The following MECOM variants were observed in gnomAD, a reference collection of about 807,000 sequenced individuals.
The protein encoded by MECOM is MDS1 and EVI1 complex locus, also known as histone-lysine N-methyltransferase MECOM.
A neutral mutation model predicts 116.3 loss-of-function variants in MECOM; 13 were observed. The ratio of observed to expected loss-of-function variants is 0.11; its 90% CI spans 0.07 to 0.18. The LOEUF is 0.18. Ranked by LOEUF, MECOM falls within the 10% of genes least tolerant of loss-of-function variation. MECOM has a pLI of 1.00. For synonymous variants in MECOM, 528 were observed against 535.2 expected (o/e 0.99, Z 0.19); for missense variants, 1,299 against 1,509.0 (o/e 0.86, Z 2.31).
chr3:169,146,471 A>G, intron 2 of MECOM: 2 of 1,384,166 alleles, frequency 1.4e-6, no homozygotes. Context: ...CGGCAGAGAA[A>G]CCCACCGAAG....
chr3:169,653,167 C>G (rs1323274766), intron 1 of MECOM, among the ~76,000 whole-genome samples: 6 of 152,050 alleles, frequency 3.9e-5, no homozygotes, highest in Admixed American at 3.9e-4. Flanking sequence ...TGTCAGATAT[C>G]CCAGAATTCT....
intron 1 of MECOM, among the ~76,000 whole-genome samples, chr3:169,441,349 G>A (rs960173454): frequency 6.6e-6 from 1 of 152,122 alleles, no homozygotes; most frequent in Non-Finnish European, 1.5e-5. Flanking sequence ...ACAATACTTT[G>A]AGTGTATATA....
intron 5 of MECOM, 27 bp downstream of exon 5, chr3:169,127,817 T>C (rs759847252): frequency 1.3e-6 from 2 of 1,592,004 alleles, no homozygotes; most frequent in Non-Finnish European, 1.7e-6. Context: ...ATACACAAGT[T>C]GTATGGTACA....
At chr3:169,305,509 G>T (rs1717509747) in intron 2 of MECOM, among the ~76,000 whole-genome samples, 1 of 152,178 alleles carries the variant, frequency 6.6e-6, no homozygotes, top group African/African-American at 2.4e-5. Context: ...GAACAAACAT[G>T]GAGGGCGGCA....
chr3:169,120,337 T>C (rs1730580831), intron 7 of MECOM, among the ~76,000 whole-genome samples: 1 of 152,168 alleles, frequency 6.6e-6, no homozygotes, highest in African/African-American at 2.4e-5. Flanking sequence ...CTGAGTTTTA[T>C]TGTATTTGAA....
chr3:169,121,039 G>T lies in MECOM; in HGVS notation c.1132+17C>A. The stretch of plus-strand genomic sequence containing the variant: ...GAGACAGATGTGGGAAGGAGGGCTG[G>T]AGTGTTGAAAACTTACAGATAAAGG... On this transcript the variant is annotated intron_variant, in intron 7 of 16. Coordinates refer to ENST00000651503, the MANE Select transcript of MECOM (RefSeq NM_004991.4). 1 of 1,590,104 alleles carries T rather than the reference G, an allele frequency of 6.3e-7. No homozygotes were observed. The highest frequency in any genetic ancestry group is 1.1e-5 in the South Asian group (1 of 88,112).
chr3:169,457,010 T>C (rs1438172680), intron 1 of MECOM, among the ~76,000 whole-genome samples: 1 of 152,144 alleles, frequency 6.6e-6, no homozygotes, highest in Non-Finnish European at 1.5e-5. Flanking sequence ...TCCAGGGAGC[T>C]GGGCTGGCTG....
intron 1 of MECOM, among the ~76,000 whole-genome samples, chr3:169,493,073 C>G (rs1753300139): frequency 6.6e-6 from 1 of 152,156 alleles, no homozygotes; most frequent in Admixed American, 6.5e-5. Context: ...TCTTCTTGTT[C>G]AAGCGCTGAA....
chr3:169,220,032 A>G (rs1751930351), intron 2 of MECOM, among the ~76,000 whole-genome samples: 2 of 151,596 alleles, frequency 1.3e-5, no homozygotes, highest in Admixed American at 1.3e-4. Flanking sequence ...CTAACTATAT[A>G]GTTAGAAAAT....
rs1464705738 is a variant in MECOM, at chr3:169,253,632, C to T, written c.376-109800G>A. On this transcript the variant is annotated intron_variant, in intron 2 of 16. Coordinates refer to ENST00000651503, the MANE Select transcript of MECOM (RefSeq NM_004991.4). ...AGAATAAATACATACTTATGAGATA[C>T]ATCTATATATACTTCATATGATTTT... 3.9e-5 allele frequency among the ~76,000 whole-genome samples: 6 copies of T among 152,188 alleles called. No individual in the cohort carries two copies. The East Asian group carries it at 9.6e-4, about 24-fold the overall frequency.
At position 169,290,555 on chromosome 3, in the gene MECOM, T is replaced by C. The variant is rs77557515; in HGVS notation, c.375+90632A>G. Among the ~76,000 whole-genome samples the C allele has an allele frequency of 0.013, 1,910 of 152,244 alleles. 95 individuals carry two copies. In the East Asian group the frequency reaches 0.17, roughly 13 times the overall value. ...TATGTACTTGGACCTGAGATGAGCC[T>C]CCCAGTGACAGCCACATACACAGAT... On this transcript the variant is annotated intron_variant, in intron 2 of 16. Coordinates refer to ENST00000651503, the MANE Select transcript of MECOM (RefSeq NM_004991.4).
At chr3:169,396,408 T>A (rs976087076) in intron 1 of MECOM, among the ~76,000 whole-genome samples, 3 of 152,218 alleles carry the variant, frequency 2.0e-5, no homozygotes, top group Non-Finnish European at 4.4e-5. Context: ...TGGGATGTGC[T>A]GTAATTTTTA....
At chr3:169,133,824 C>A in intron 3 of MECOM, 1 of 844,670 alleles carries the variant, frequency 1.2e-6, no homozygotes. Flanking sequence ...CTAAACTTTC[C>A]AGTTAAATAC....
chr3:169,154,760 T>C (rs767985483), intron 2 of MECOM, among the ~76,000 whole-genome samples: 2 of 152,202 alleles, frequency 1.3e-5, no homozygotes, highest in Non-Finnish European at 2.9e-5. Flanking sequence ...AAAATAGCTA[T>C]TATTATTGGT....
At chr3:169,174,331 C>T (rs746845534) in intron 2 of MECOM, among the ~76,000 whole-genome samples, 44 of 152,144 alleles carry the variant, frequency 2.9e-4, no homozygotes, top group Non-Finnish European at 5.6e-4. Context: ...GGCAATGATC[C>T]TACCACCAAG....
chr3:169,107,944 C>G lies in MECOM; in HGVS notation c.2586G>C (p.Leu862=). The G allele has an allele frequency of 6.2e-7, 1 of 1,612,750 alleles. No individual in the cohort carries two copies. The highest frequency in any genetic ancestry group is 1.1e-5 in the South Asian group (1 of 90,824). Reference sequence around the variant, plus strand: ...AACTTACCCAAGTTCTCTGATCAGGCAGTTGGAACTGGGAGCAAAATTGAA... The same window carrying G: ...AACTTACCCAAGTTCTCTGATCAGGGAGTTGGAACTGGGAGCAAAATTGAA... ...PGFLFHPQFQ[L]PDQRTWMSAI... The change falls in exon 10 of 17, where the codon CTG becomes CTC. Residue 862 remains leucine, a synonymous_variant. Coordinates refer to ENST00000651503, the MANE Select transcript of MECOM (RefSeq NM_004991.4).
intron 1 of MECOM, among the ~76,000 whole-genome samples, chr3:169,567,901 A>G (rs1443547367): frequency 6.6e-6 from 1 of 152,218 alleles, no homozygotes; most frequent in Non-Finnish European, 1.5e-5. Context: ...ACCTGAGTTA[A>G]ATTCAAAAAA....
At chr3:169,195,468 T>C (rs1382590486) in intron 2 of MECOM, among the ~76,000 whole-genome samples, 1 of 152,076 alleles carries the variant, frequency 6.6e-6, no homozygotes, top group Non-Finnish European at 1.5e-5. Flanking sequence ...CAGCATACAA[T>C]TTTATAACGG....
chr3:169,346,618 A>G (rs1725398662), intron 2 of MECOM, among the ~76,000 whole-genome samples: 1 of 151,968 alleles, frequency 6.6e-6, no homozygotes, highest in South Asian at 2.1e-4. Context: ...GAAAAAATGC[A>G]CTTCAATGAC....
Sources: allele counts gnomAD v4.1 joint callset (sites outside exome capture counted in the v4.1 genomes callset), GRCh38; gene constraint gnomAD v4.1.1; transcripts MANE v1.5; gene names NCBI Gene and HGNC (gene_info 2026-07-23, HGNC 2026-07-21).